The following ZFPM2 variants were observed in gnomAD, a reference collection of about 807,000 sequenced individuals.
ZFPM2 encodes the protein zinc finger protein ZFPM2.
Under a neutral mutation model 98.6 loss-of-function variants are expected in ZFPM2, and 20 were observed. The ratio of observed to expected loss-of-function variants is 0.20; its 90% CI spans 0.14 to 0.29. The LOEUF is 0.29. ZFPM2 is among the 10% of genes least tolerant of loss of function. The pLI, the probability that ZFPM2 is intolerant of heterozygous loss-of-function variation, is 1.00. For synonymous variants in ZFPM2, 518 were observed against 502.7 expected, an observed-to-expected ratio of 1.03 and a Z score of -0.41; for missense variants, 1,310 against 1,388.6, an observed-to-expected ratio of 0.94 and a Z score of 0.90.
At chr8:105,426,296 G>T (rs1163023416) in intron 2 of ZFPM2, among the ~76,000 whole-genome samples, 5 of 152,178 alleles carry the variant, frequency 3.3e-5, no homozygotes, top group Non-Finnish European at 5.9e-5. Flanking sequence ...AAGCCAATAT[G>T]ACTTTGTTTT....
At chr8:105,336,580 T>A (rs546760800) in intron 1 of ZFPM2, among the ~76,000 whole-genome samples, 1 of 151,772 alleles carries the variant, frequency 6.6e-6, no homozygotes, top group African/African-American at 2.4e-5. Context: ...CAAATCACCC[T>A]AAAGTAATTT....
chr8:105,370,671 C>T (rs562096261), intron 1 of ZFPM2, among the ~76,000 whole-genome samples: 19 of 152,300 alleles, frequency 1.2e-4, no homozygotes, highest in Admixed American at 2.6e-4. Flanking sequence ...ACCACAGCTC[C>T]TCTTTTGATA....
chr8:105,571,207 C>A (rs1815347856), intron 4 of ZFPM2, among the ~76,000 whole-genome samples: 1 of 152,102 alleles, frequency 6.6e-6, no homozygotes, highest in Non-Finnish European at 1.5e-5. Context: ...ACATAGGGAT[C>A]CTTACATGAA....
chr8:105,670,298 C>A (rs574746506), intron 5 of ZFPM2, among the ~76,000 whole-genome samples: 1 of 151,960 alleles, frequency 6.6e-6, no homozygotes, highest in African/African-American at 2.4e-5. Flanking sequence ...AGATTGAGAC[C>A]ATCCTGGCTA....
chr8:105,591,778 C>T (rs887487608), intron 4 of ZFPM2, among the ~76,000 whole-genome samples: 2 of 152,102 alleles, frequency 1.3e-5, no homozygotes, highest in African/African-American at 4.8e-5. Flanking sequence ...AGTCCTCCAA[C>T]ACCTGTATCA....
intron 1 of ZFPM2, among the ~76,000 whole-genome samples, chr8:105,330,595 C>CGT (rs1812204438): frequency 1.1e-5 from 1 of 88,232 alleles, no homozygotes; most frequent in African/African-American, 4.6e-5. Flanking sequence ...TATATATATA[C>CGT]ATATATATAT....
chr8:105,516,272 C>G (rs189058156), intron 3 of ZFPM2, among the ~76,000 whole-genome samples: 42 of 152,172 alleles, frequency 2.8e-4, no homozygotes, highest in African/African-American at 9.2e-4. Context: ...TCTGTTACCC[C>G]CCTTGAGACA....
At chr8:105,601,478 T>C (rs1282138963) in intron 4 of ZFPM2, among the ~76,000 whole-genome samples, 1 of 152,116 alleles carries the variant, frequency 6.6e-6, no homozygotes, top group African/African-American at 2.4e-5. Context: ...TTACTCCCTC[T>C]GCTCTGTTCT....
chr8:105,330,538 C>CTCTCTCTA (rs1554594944), intron 1 of ZFPM2, among the ~76,000 whole-genome samples: 2 of 100,128 alleles, frequency 2.0e-5, no homozygotes, highest in African/African-American at 7.9e-5. Flanking sequence ...CTCTCTCTCT[C>CTCTCTCTA]TATATATATA....
intron 1 of ZFPM2, among the ~76,000 whole-genome samples, chr8:105,354,024 C>A (rs959780258): frequency 1.3e-5 from 2 of 152,012 alleles, no homozygotes; most frequent in African/African-American, 4.8e-5. Context: ...ATGTGGTACT[C>A]TAAGCAAGCA....
At chr8:105,759,747 G>C (rs961649617) in intron 5 of ZFPM2, among the ~76,000 whole-genome samples, 2 of 151,828 alleles carry the variant, frequency 1.3e-5, no homozygotes, top group African/African-American at 4.8e-5. Flanking sequence ...AATGAATTCA[G>C]CCATGAATTC....
chr8:105,375,686 A>C (rs2129839012), intron 1 of ZFPM2, among the ~76,000 whole-genome samples: 1 of 152,282 alleles, frequency 6.6e-6, no homozygotes, highest in Non-Finnish European at 1.5e-5. Context: ...TTGTGGGCTT[A>C]ACTATTTTCT....
At chr8:105,329,989 ATGT>A (rs1563606185) in intron 1 of ZFPM2, among the ~76,000 whole-genome samples, 1 of 151,764 alleles carries the variant, frequency 6.6e-6, no homozygotes, top group East Asian at 1.9e-4. Flanking sequence ...TGATAGAAAA[ATGT>A]TGTAGAACAC....
chr8:105,707,662 T>C (rs1317242373), intron 5 of ZFPM2, among the ~76,000 whole-genome samples: 1 of 152,224 alleles, frequency 6.6e-6, no homozygotes, highest in Non-Finnish European at 1.5e-5. Context: ...AAAATGTAAA[T>C]GTATTAATAC....
At chr8:105,773,064 A>G (rs1285785503) in intron 5 of ZFPM2, among the ~76,000 whole-genome samples, 1 of 152,208 alleles carries the variant, frequency 6.6e-6, no homozygotes, top group Admixed American at 6.5e-5. Flanking sequence ...TTTAAGGTAG[A>G]ATAGAATTAA....
chr8:105,410,820 A>T (rs1270462511), intron 1 of ZFPM2, among the ~76,000 whole-genome samples: 1 of 151,814 alleles, frequency 6.6e-6, no homozygotes, highest in African/African-American at 2.4e-5. Flanking sequence ...TTAGGTTCAG[A>T]TCCTTTCCTT....
chr8:105,650,567 G>A (rs997656281), intron 5 of ZFPM2, among the ~76,000 whole-genome samples: 34 of 152,108 alleles, frequency 2.2e-4, no homozygotes, highest in Non-Finnish European at 4.0e-4. Context: ...AGAGATTCTG[G>A]TATGTTGTGT....
intron 5 of ZFPM2, among the ~76,000 whole-genome samples, chr8:105,741,039 A>G (rs1376584454): frequency 1.3e-5 from 2 of 152,090 alleles, no homozygotes; most frequent in South Asian, 2.1e-4. Context: ...GGCAGCCTGC[A>G]GTGACTGGGC....
chr8:105,545,575 A>T (rs1409867042), intron 3 of ZFPM2, among the ~76,000 whole-genome samples: 2 of 152,180 alleles, frequency 1.3e-5, no homozygotes, highest in African/African-American at 4.8e-5. Context: ...ATTAATAAAG[A>T]TGCTTTTGCT....
Sources: gnomAD v4.1 joint callset for allele counts (sites outside exome capture counted in the v4.1 genomes callset) on GRCh38, gnomAD v4.1.1 for gene constraint, MANE v1.5 for transcripts, NCBI Gene and HGNC (gene_info 2026-07-23, HGNC 2026-07-21) for gene names.